The following BRI3BP variants were observed in gnomAD, a reference collection of about 807,000 sequenced individuals.
BRI3BP encodes the protein BRI3 binding protein.
In BRI3BP, 7 loss-of-function variants were observed where a neutral mutation model predicts 15.8. The ratio of observed to expected loss-of-function variants is 0.44; its 90% CI spans 0.25 to 0.83. The LOEUF is 0.83. BRI3BP is among the 40% of genes least tolerant of loss of function. The pLI is 0.20. For missense variants in BRI3BP, 320 were observed against 339.3 expected (o/e 0.94, Z 0.45); for synonymous variants, 192 against 163.5 (o/e 1.17, Z -1.33).
chr12:125,037,283 C>G, the BRI3BP span, among the ~76,000 whole-genome samples: 1 of 152,086 alleles, frequency 6.6e-6, no homozygotes. Flanking sequence ...GTCTTGAACT[C>G]CTGACCTCAG....
intron 2 of BRI3BP, among the ~76,000 whole-genome samples, chr12:125,013,664 T>C (rs1955215745): frequency 6.6e-6 from 1 of 152,178 alleles, no homozygotes; most frequent in Non-Finnish European, 1.5e-5. Context: ...AGGTGTCACC[T>C]GATGCTGCAC....
chr12:125,041,914 G>A, the BRI3BP span, among the ~76,000 whole-genome samples: 2 of 152,254 alleles, frequency 1.3e-5, no homozygotes, highest in South Asian at 4.2e-4. Context: ...GGCTGGTCTT[G>A]AACTCCTGGG....
intron 2 of BRI3BP, among the ~76,000 whole-genome samples, chr12:125,013,214 C>T (rs1341365417): frequency 1.3e-5 from 2 of 152,172 alleles, no homozygotes; most frequent in East Asian, 3.8e-4. Flanking sequence ...AGGTATAGTG[C>T]TCTGGCTTAC....
At position 125,024,890 on chromosome 12, in the gene BRI3BP, C is replaced by T. The variant is rs7303468; in HGVS notation, c.317-101C>T. ...TGAGTTCCTTTGGTTGTTGCAAAGG[C>T]CTTTTAAGCCCCACAGGCCAGCTCA... On this transcript the variant is annotated intron_variant, in intron 2 of 2. Transcript: ENST00000341446. 2,199 of 1,029,860 alleles carry T rather than the reference C, an allele frequency of 2.1e-3. 34 individuals carry two copies. In the African/African-American group the frequency reaches 0.031, roughly 15 times the overall value. The allele number at this position is 1,029,860 out of a possible 1,614,324, so 63.8% of individuals were successfully genotyped here.
At chr12:125,045,846 G>A in the BRI3BP span, among the ~76,000 whole-genome samples, 99 of 152,084 alleles carry the variant, frequency 6.5e-4, 1 homozygote, top group African/African-American at 2.2e-3. Flanking sequence ...TTAAGGGTTG[G>A]TTGAAAAATA....
rs78723187 is a variant in BRI3BP, at chr12:125,014,382, G to A, written c.316+1746G>A. Reference sequence around the variant, plus strand: ...TCCTAAGACCATCTACAGGCTCACCGGTTCCCTAGGAGCACTGGCAGGACT... The same window carrying A: ...TCCTAAGACCATCTACAGGCTCACCAGTTCCCTAGGAGCACTGGCAGGACT... On this transcript the variant is annotated intron_variant, in intron 2 of 2. Coordinates refer to ENST00000341446, the MANE Select transcript of BRI3BP (RefSeq NM_080626.6). Among the ~76,000 whole-genome samples, 383 of 152,280 alleles carry A rather than the reference G, an allele frequency of 2.5e-3. 2 individuals are homozygous for A. In the East Asian group the frequency reaches 0.03, roughly 12 times the overall value.
chr12:125,022,541 A>ATTTTTTTTTTT (rs770844998), intron 2 of BRI3BP, among the ~76,000 whole-genome samples: 54 of 139,432 alleles, frequency 3.9e-4, no homozygotes, highest in African/African-American at 1.5e-3. Flanking sequence ...TTATTTATTT[A>ATTTTTTTTTTT]TTTTTTGAGA....
the BRI3BP span, among the ~76,000 whole-genome samples, chr12:125,040,717 T>TTTTA: frequency 1.3e-5 from 2 of 152,010 alleles, no homozygotes; most frequent in East Asian, 1.9e-4. Flanking sequence ...TGTTATTTCA[T>TTTTA]TTTATTTATT....
intron 1 of BRI3BP, among the ~76,000 whole-genome samples, chr12:124,995,839 C>T (rs988351929): frequency 2.6e-5 from 4 of 152,316 alleles, no homozygotes; most frequent in Middle Eastern, 3.4e-3. Flanking sequence ...TAGTATCTCT[C>T]GCCTGTTTTC....
chr12:124,997,862 C>T (rs113220192), intron 1 of BRI3BP, among the ~76,000 whole-genome samples: 7,803 of 152,024 alleles, frequency 0.051, 518 homozygotes, highest in East Asian at 0.17. Context: ...TGGTGGCTCA[C>T]GCCTGTAATC....
chr12:125,019,686 T>G (rs544204459), intron 2 of BRI3BP, among the ~76,000 whole-genome samples: 42 of 145,418 alleles, frequency 2.9e-4, no homozygotes, highest in African/African-American at 1.1e-3. Context: ...ACTTGAAAAT[T>G]TTCAGTGACA....
chr12:124,997,865 C>T (rs1022598511), intron 1 of BRI3BP, among the ~76,000 whole-genome samples: 5 of 152,078 alleles, frequency 3.3e-5, no homozygotes, highest in Non-Finnish European at 7.4e-5. Context: ...TGGCTCACGC[C>T]TGTAATCCTA....
intron 2 of BRI3BP, among the ~76,000 whole-genome samples, chr12:125,013,063 G>A (rs888046618): frequency 4.6e-5 from 7 of 152,076 alleles, no homozygotes; most frequent in African/African-American, 9.7e-5. Flanking sequence ...CAGACTGGAC[G>A]ACAGAGCAAG....
In BRI3BP at chr12:125,025,366, T is replaced by TCAA; in HGVS notation, c.694_695insACA (p.Val231_Arg232insAsn). 1.9e-6 allele frequency: 3 copies of TCAA among 1,612,498 alleles called. No homozygotes were observed. Among genetic ancestry groups the TCAA allele is most frequent in the Non-Finnish European group, 2.5e-6 (3 of 1,179,574 alleles). ...AAGCTGGAGCACCTGGAGAAGCAGG[T>TCAA]CAGACTGCTCAACATCCGTCTCAAC... is the stretch of plus-strand genomic sequence containing the variant. On this transcript the variant is annotated inframe_insertion, in exon 3 of 3. Transcript: ENST00000341446.
chr12:125,036,218 C>CCG (rs1565910075), downstream of BRI3BP, among the ~76,000 whole-genome samples: 1 of 85,084 alleles, frequency 1.2e-5, no homozygotes, highest in Non-Finnish European at 2.8e-5. Flanking sequence ...ACACACACCA[C>CCG]TACACCTGGC....
chr12:125,024,266 C>G (rs978429503), intron 2 of BRI3BP, among the ~76,000 whole-genome samples: 2 of 141,058 alleles, frequency 1.4e-5, no homozygotes, highest in Non-Finnish European at 3.1e-5. Flanking sequence ...AAACCCCCCC[C>G]CCTCCACTGT....
At chr12:125,006,458 C>T (rs571572496) in intron 1 of BRI3BP, among the ~76,000 whole-genome samples, 1 of 151,984 alleles carries the variant, frequency 6.6e-6, no homozygotes, top group South Asian at 2.1e-4. Flanking sequence ...GAACCTCTGA[C>T]CTACACCTTT....
At chr12:125,034,957 C>A (rs895182906), downstream of BRI3BP, among the ~76,000 whole-genome samples, 2 of 152,140 alleles carry the variant, frequency 1.3e-5, no homozygotes, top group Non-Finnish European at 2.9e-5. Flanking sequence ...GCCCACCCCC[C>A]AGCTTCTTTC....
the BRI3BP span, among the ~76,000 whole-genome samples, chr12:125,043,189 TG>T: frequency 1.3e-5 from 2 of 152,148 alleles, no homozygotes; most frequent in East Asian, 3.8e-4. Context: ...TTGTTTTAGG[TG>T]GGCCTAAGTT....
Sources: gnomAD v4.1 joint callset for allele counts (sites outside exome capture counted in the v4.1 genomes callset) on GRCh38, gnomAD v4.1.1 for gene constraint, MANE v1.5 for transcripts, NCBI Gene and HGNC (gene_info 2026-07-23, HGNC 2026-07-21) for gene names.